HRH1: variants seen among roughly 807,000 people sequenced by gnomAD.
The protein encoded by HRH1 is histamine receptor H1.
A neutral mutation model predicts 10.3 loss-of-function variants in HRH1; 6 were observed. The observed-to-expected ratio is 0.58, with a 90% confidence interval of 0.32 to 1.15. The LOEUF (loss-of-function observed/expected upper bound fraction) is 1.15, where lower values mean the gene tolerates loss of function less well. Ranked by LOEUF, HRH1 falls within the 50% of genes most tolerant of loss-of-function variation. HRH1 has a pLI of 0.05. For missense variants in HRH1, 514 were observed against 615.3 expected, an observed-to-expected ratio of 0.84 and a Z score of 1.74; for synonymous variants, 242 against 236.7, an observed-to-expected ratio of 1.02 and a Z score of -0.21.
Position 11,214,958 on chromosome 3 carries a change from A to G in HRH1, c.-35-44045A>G, listed in dbSNP as rs185643560. Among the ~76,000 whole-genome samples the G allele has an allele frequency of 2.1e-3, 321 of 152,374 alleles. 2 individuals carry two copies. The highest frequency in any genetic ancestry group is 7.2e-3 in the African/African-American group (300 of 41,590). ...ATTTGCCACTGCAGGAATGAATTCTATAGATACCTATAATAGGCTGACCTG... is the reference window on the plus strand; with the variant it reads ...ATTTGCCACTGCAGGAATGAATTCTGTAGATACCTATAATAGGCTGACCTG... On this transcript the variant is annotated intron_variant, in intron 1 of 1. Transcript: ENST00000431010.
intron 1 of HRH1, among the ~76,000 whole-genome samples, chr3:11,199,246 G>A (rs1022395731): frequency 7.2e-5 from 11 of 152,114 alleles, no homozygotes; most frequent in African/African-American, 2.4e-4. Flanking sequence ...GGGATAGAGA[G>A]GTTAAGCAGC....
chr3:11,217,496 T>C (rs1204660593), intron 1 of HRH1, among the ~76,000 whole-genome samples: 1 of 151,984 alleles, frequency 6.6e-6, no homozygotes, highest in Non-Finnish European at 1.5e-5. Flanking sequence ...GCCATTGCAC[T>C]CCAGCTTGGG....
At chr3:11,233,126 A>G (rs1192749099) in intron 1 of HRH1, among the ~76,000 whole-genome samples, 4 of 152,056 alleles carry the variant, frequency 2.6e-5, no homozygotes, top group African/African-American at 7.2e-5. Flanking sequence ...TCTTGATTCT[A>G]TAGATTTAGG....
At chr3:11,231,812 C>T (rs1012617790) in intron 1 of HRH1, among the ~76,000 whole-genome samples, 2 of 151,952 alleles carry the variant, frequency 1.3e-5, no homozygotes, top group South Asian at 2.1e-4. Context: ...TTTCACAGAA[C>T]GAAAATTTTC....
At chr3:11,141,322 G>GTGA (rs1213590420) in intron 1 of HRH1, among the ~76,000 whole-genome samples, 6 of 152,290 alleles carry the variant, frequency 3.9e-5, no homozygotes, top group Admixed American at 3.9e-4. Flanking sequence ...GAATACAAGG[G>GTGA]TGATGTATTT....
At chr3:11,198,108 G>T (rs1191631756) in intron 1 of HRH1, among the ~76,000 whole-genome samples, 2 of 152,080 alleles carry the variant, frequency 1.3e-5, no homozygotes, top group Admixed American at 6.5e-5. Context: ...TTTAGCATGG[G>T]GGTAGTGGAA....
In HRH1 at chr3:11,261,165, T is replaced by C. The variant is rs1939943899; in HGVS notation, c.*664T>C. ...ATTTCTTACTCAAACATGTTTAGAG[T>C]GGATAGAAAATTATGCAGCTTGCAC... On this transcript the variant is annotated 3_prime_UTR_variant, in exon 2 of 2. Transcript: ENST00000431010. 1 of 167,056 alleles carries C rather than the reference T, an allele frequency of 6.0e-6. No homozygotes were observed. Among genetic ancestry groups the C allele is most frequent in the South Asian group, 2.1e-4 (1 of 4,830 alleles). 10.3% of individuals were successfully genotyped at this position (167,056 alleles called of 1,614,324 possible).
intron 1 of HRH1, among the ~76,000 whole-genome samples, chr3:11,138,101 C>T (rs921378400): frequency 6.6e-5 from 10 of 151,992 alleles, no homozygotes; most frequent in Admixed American, 5.9e-4. Flanking sequence ...CTGCAAGCTC[C>T]GTCTCCCAGG....
chr3:11,220,540 C>T (rs1938677428), intron 1 of HRH1, among the ~76,000 whole-genome samples: 1 of 152,218 alleles, frequency 6.6e-6, no homozygotes, highest in South Asian at 2.1e-4. Context: ...TGCAGGGCTG[C>T]CCATGCACAC....
chr3:11,242,480 CAAAAAAAAAAAAAAAA>C (rs35809891), intron 1 of HRH1, among the ~76,000 whole-genome samples: 2 of 50,362 alleles, frequency 4.0e-5, no homozygotes, highest in Non-Finnish European at 7.0e-5. Flanking sequence ...GACTCCGTCT[CAAAAAAAAAAAAAAAA>C]AAAAAAAAAA....
chr3:11,213,900 G>T (rs901465668), intron 1 of HRH1, among the ~76,000 whole-genome samples: 1 of 152,188 alleles, frequency 6.6e-6, no homozygotes, highest in Non-Finnish European at 1.5e-5. Context: ...AAAATCGAAG[G>T]TGCTTCCAAA....
At chr3:11,215,572 C>G (rs1256193524) in intron 1 of HRH1, among the ~76,000 whole-genome samples, 2 of 152,204 alleles carry the variant, frequency 1.3e-5, no homozygotes, top group Non-Finnish European at 2.9e-5. Context: ...TCCCAAGTAG[C>G]TGGGACCACA....
At chr3:11,196,960 A>G (rs1478998336) in intron 1 of HRH1, among the ~76,000 whole-genome samples, 1 of 145,114 alleles carries the variant, frequency 6.9e-6, no homozygotes, top group Non-Finnish European at 1.6e-5. Context: ...ATACAAAAAA[A>G]AAAAAAAAAA....
rs62248181 is a variant in HRH1 at position 11,207,377 on chromosome 3, A to G, written c.-35-51626A>G. Among the ~76,000 whole-genome samples the G allele has an allele frequency of 3.2e-3, 480 of 152,166 alleles. 3 individuals are homozygous for G. Among genetic ancestry groups the G allele is most frequent in the Non-Finnish European group, 5.3e-3 (360 of 67,986 alleles). On this transcript the variant is annotated intron_variant, in intron 1 of 1. Transcript: ENST00000431010. ...CAGGAGATCCAGACGATCCTGGCTA[A>G]CACGGTGAAACCCCGTCTCTACTTA...
chr3:11,164,941 A>G (rs1937000969), intron 1 of HRH1, among the ~76,000 whole-genome samples: 1 of 152,224 alleles, frequency 6.6e-6, no homozygotes, highest in Non-Finnish European at 1.5e-5. Context: ...AAGGTAAAAC[A>G]GGAGTTGGAG....
chr3:11,138,671 C>G (rs547792997), intron 1 of HRH1, among the ~76,000 whole-genome samples: 176 of 151,484 alleles, frequency 1.2e-3, no homozygotes, highest in Non-Finnish European at 1.9e-3. Flanking sequence ...CATCTGTTCA[C>G]ACAAAAACTT....
intron 1 of HRH1, among the ~76,000 whole-genome samples, chr3:11,201,351 G>A (rs1246712117): frequency 6.6e-6 from 1 of 152,198 alleles, no homozygotes; most frequent in Non-Finnish European, 1.5e-5. Flanking sequence ...AGGCAAAGGG[G>A]ACAGCATGTG....
At chr3:11,168,491 T>C (rs1349439728) in intron 1 of HRH1, among the ~76,000 whole-genome samples, 2 of 152,160 alleles carry the variant, frequency 1.3e-5, no homozygotes, top group Non-Finnish European at 2.9e-5. Flanking sequence ...AGCGAACAGC[T>C]TCCAGGTCTG....
intron 1 of HRH1, among the ~76,000 whole-genome samples, chr3:11,224,711 A>G (rs1415377807): frequency 3.3e-5 from 5 of 151,978 alleles, no homozygotes; most frequent in African/African-American, 9.7e-5. Flanking sequence ...AAAAAAAAAA[A>G]AAAAAGAAAT....
Sources: allele counts gnomAD v4.1 joint callset (sites outside exome capture counted in the v4.1 genomes callset), GRCh38; gene constraint gnomAD v4.1.1; transcripts MANE v1.5; gene names NCBI Gene and HGNC (gene_info 2026-07-23, HGNC 2026-07-21).